CCT6A: variants seen among roughly 807,000 people sequenced by gnomAD.
CCT6A encodes the protein chaperonin containing TCP1 subunit 6A.
In CCT6A, 6 loss-of-function variants were observed where a neutral mutation model predicts 58.6. That is an observed-to-expected ratio of 0.10 (90% CI 0.06 to 0.20). The LOEUF is 0.20. CCT6A is among the 10% of genes least tolerant of loss of function. The pLI is 1.00. For missense variants in CCT6A, 516 were observed against 648.8 expected, an observed-to-expected ratio of 0.80 and a Z score of 2.22; for synonymous variants, 245 against 227.8, an observed-to-expected ratio of 1.08 and a Z score of -0.68.
At chr7:56,058,822 T>C in intron 8 of CCT6A, 120 bp downstream of exon 8, 1 of 628,652 alleles carries the variant, frequency 1.6e-6, no homozygotes, top group South Asian at 2.1e-5. Context: ...TATATTCACA[T>C]TGTGCACCCC....
Position 56,060,910 on chromosome 7 carries a change from A to G in CCT6A, c.1317A>G (p.Ala439=). The G allele has an allele frequency of 6.2e-7, 1 of 1,612,684 alleles. No individual in the cohort carries two copies. Among genetic ancestry groups the G allele is most frequent in the Non-Finnish European group, 8.5e-7 (1 of 1,179,698 alleles). ...GCAGGGCACAGCTTGGAGTCCAAGC[A>G]TTTGCTGATGCATTGCTCATTATTC... ...VKGRAQLGVQ[A]FADALLIIPK... is the part of the protein sequence containing the mutation. The change falls in exon 11 of 14, where the codon GCA becomes GCG. Residue 439 remains alanine (A), a synonymous_variant. Coordinates refer to ENST00000275603, the MANE Select transcript of CCT6A (RefSeq NM_001762.4).
chr7:56,057,765 C>T (rs1794344948), intron 5 of CCT6A, among the ~76,000 whole-genome samples: 1 of 152,090 alleles, frequency 6.6e-6, no homozygotes, highest in African/African-American at 2.4e-5. Flanking sequence ...CCTGTAGTCC[C>T]AGCTGCTTGA....
rs1466142107 is a variant in CCT6A at position 56,056,491 on chromosome 7, G to A, written c.614+77G>A. On this transcript the variant is annotated intron_variant, in intron 5 of 13. Coordinates refer to ENST00000275603, the MANE Select transcript of CCT6A (RefSeq NM_001762.4). ...TAATCCCAGCACTTTGGGAGGCTGTGGTGGGCAAATCACCTCAGGTCAGGA... is the reference window on the plus strand; with the variant it reads ...TAATCCCAGCACTTTGGGAGGCTGTAGTGGGCAAATCACCTCAGGTCAGGA... The A allele has an allele frequency of 6.3e-6, 5 of 788,852 alleles. No homozygotes were observed. In the African/African-American group the frequency reaches 8.6e-5, roughly 14 times the overall value. 48.9% of individuals were successfully genotyped at this position (788,852 alleles called of 1,614,324 possible).
chr7:56,055,103 G>A (rs1188751535), intron 3 of CCT6A, among the ~76,000 whole-genome samples: 5 of 152,188 alleles, frequency 3.3e-5, no homozygotes, highest in African/African-American at 1.2e-4. Context: ...GAGAAACCCC[G>A]TGTCTACTAA....
intron 12 of CCT6A, 134 bp from the exon 13 acceptor site, chr7:56,062,549 T>C (rs1584554629): frequency 2.6e-6 from 2 of 756,830 alleles, no homozygotes; most frequent in Non-Finnish European, 4.7e-6. Context: ...GAGTAGAAAA[T>C]TGGGCTAACA....
intron 4 of CCT6A, 87 bp downstream of exon 4, chr7:56,055,884 T>G: frequency 1.0e-6 from 1 of 987,874 alleles, no homozygotes; most frequent in Admixed American, 2.2e-5. Flanking sequence ...ATTACCAATT[T>G]CAATTACAAG....
chr7:56,056,709 C>T (rs765375171), intron 5 of CCT6A, among the ~76,000 whole-genome samples: 8 of 149,880 alleles, frequency 5.3e-5, no homozygotes, highest in South Asian at 2.1e-4. Context: ...GTGACAAGAG[C>T]GAAACCCCGT....
At chr7:56,060,010 C>T in intron 9 of CCT6A, 2 of 500,170 alleles carry the variant, frequency 4.0e-6, no homozygotes, top group East Asian at 7.1e-5. Flanking sequence ...TTCATGAAGT[C>T]TTTAGCAGAA....
rs1480183692 is a variant in CCT6A at position 56,058,479 on chromosome 7, CTG to C, written c.846_847del (p.Cys282TrpfsTer5). 6.3e-7 allele frequency: 1 copy of C among 1,596,360 alleles called. No individual in the cohort carries two copies. Among genetic ancestry groups the C allele is most frequent in the Non-Finnish European group, 8.5e-7 (1 of 1,175,302 alleles). ...AAATAATAGAACTGAAAAGGAAAGT[CTG>C]TGGCGATTCAGATAAAGGATTTGTT... is the stretch of plus-strand genomic sequence containing the variant. ...KKIIELKRKV[C>X]GDSDKGFVVI... is the part of the protein sequence containing the mutation. On this transcript the variant is annotated frameshift_variant, in exon 7 of 14. Transcript: ENST00000275603. LOFTEE classifies it high-confidence loss of function.
chr7:56,062,349 A>G (rs1794467247), intron 12 of CCT6A, among the ~76,000 whole-genome samples: 1 of 152,214 alleles, frequency 6.6e-6, no homozygotes, highest in Non-Finnish European at 1.5e-5. Flanking sequence ...TGCAAGACCT[A>G]TTGTCAACAT....
At chr7:56,061,675 T>TC (rs1491029696) in intron 11 of CCT6A, 72 bp from the exon 12 acceptor site, 5 of 197,346 alleles carry the variant, frequency 2.5e-5, no homozygotes, top group South Asian at 2.0e-4. Context: ...TTTCTTTTTT[T>TC]TTTTTTTTTT....
Position 56,060,986 on chromosome 7 carries a change from C to G in CCT6A, c.1347+46C>G, listed in dbSNP as rs1386071947. The G allele has an allele frequency of 3.2e-6, 5 of 1,550,800 alleles. No individual in the cohort carries two copies. The South Asian group carries it at 3.7e-5, about 11-fold the overall frequency. On this transcript the variant is annotated intron_variant, in intron 11 of 13. Coordinates refer to ENST00000275603, the MANE Select transcript of CCT6A (RefSeq NM_001762.4). ...CAATCTTCCAAAAGATTCAGCTGATCAAACCTTTCTGATAATGTAGGATTT... is the reference window on the plus strand; with the variant it reads ...CAATCTTCCAAAAGATTCAGCTGATGAAACCTTTCTGATAATGTAGGATTT...
intron 12 of CCT6A, 169 bp downstream of exon 12, chr7:56,062,018 G>A (rs536057084): frequency 1.2e-4 from 58 of 476,976 alleles, no homozygotes; most frequent in Non-Finnish European, 2.0e-4. Context: ...GAATGACTAG[G>A]TATAATTAAG....
chr7:56,054,528 A>AT (rs71561988), intron 3 of CCT6A, 25 bp downstream of exon 3: 376 of 1,579,658 alleles, frequency 2.4e-4, no homozygotes, highest in Middle Eastern at 1.0e-3. Flanking sequence ...TGTTTCTGTA[A>AT]TTTTTTTTTG....
At chr7:56,054,868 G>A (rs1794271062) in intron 3 of CCT6A, among the ~76,000 whole-genome samples, 1 of 152,154 alleles carries the variant, frequency 6.6e-6, no homozygotes. Context: ...TAGTTCCAAG[G>A]TTAAAGCAAA....
chr7:56,052,219 C>T (rs1454765740), intron 1 of CCT6A, among the ~76,000 whole-genome samples: 4 of 152,338 alleles, frequency 2.6e-5, no homozygotes, highest in East Asian at 1.9e-4. Flanking sequence ...CGTTCCCCGC[C>T]CTCTGGGGCT....
At position 56,062,994 on chromosome 7, in the gene CCT6A, AT is replaced by A; in HGVS notation, c.1524-14del. 1 of 1,596,066 alleles carries A rather than the reference AT, an allele frequency of 6.3e-7. No individual in the cohort carries two copies. The highest frequency in any genetic ancestry group is 8.6e-7 in the Non-Finnish European group (1 of 1,163,664). On this transcript the variant is annotated intron_variant, in intron 13 of 13. Transcript: ENST00000275603. ...GGCTCCTAATCATCTGAGCCATCTT[AT>A]TTTTGTCCCCCTTTCAGCACTGTGA... is the stretch of plus-strand genomic sequence containing the variant.
Position 56,063,122 on chromosome 7 carries a change from C to CA in CCT6A, c.*40dup. On this transcript the variant is annotated 3_prime_UTR_variant, in exon 14 of 14. Coordinates refer to ENST00000275603, the MANE Select transcript of CCT6A (RefSeq NM_001762.4). ...CTCTGTATCTGAATCTTGAAGACTG[C>CA]AAAGTGATCCTGAGGATTACAGCTG... The CA allele has an allele frequency of 7.5e-7, 1 of 1,329,718 alleles. No individual in the cohort carries two copies. 82.4% of individuals were successfully genotyped at this position (1,329,718 alleles called of 1,614,324 possible). A position where few individuals can be genotyped will look rare whatever the true frequency, so the allele number is the denominator to read the frequency against.
intron 5 of CCT6A, among the ~76,000 whole-genome samples, chr7:56,056,735 AC>A (rs1489565220): frequency 9.9e-5 from 15 of 151,398 alleles, no homozygotes; most frequent in Non-Finnish European, 2.2e-4. Context: ...TAAAAAAAAA[AC>A]AAAAACAAAA....
Sources: gnomAD v4.1 joint callset for allele counts (sites outside exome capture counted in the v4.1 genomes callset) on GRCh38, gnomAD v4.1.1 for gene constraint, MANE v1.5 for transcripts, NCBI Gene and HGNC (gene_info 2026-07-23, HGNC 2026-07-21) for gene names.